ARHGEF7: variants seen among roughly 807,000 people sequenced by gnomAD.
ARHGEF7 encodes PAK-interacting exchange factor beta.
Under a neutral mutation model 109.8 loss-of-function variants are expected in ARHGEF7, and 33 were observed. The observed-to-expected ratio is 0.30, with a 90% CI of 0.23 to 0.40. The LOEUF is 0.40. Ranked by LOEUF, ARHGEF7 falls within the 10% of genes least tolerant of loss-of-function variation. The probability of loss-of-function intolerance (pLI) is 1.00; values close to 1 mark genes in which losing one functional copy is unlikely to be tolerated. For synonymous variants in ARHGEF7, 458 were observed against 424.6 expected, an observed-to-expected ratio of 1.08 and a Z score of -0.97; for missense variants, 938 against 1,098.5, an observed-to-expected ratio of 0.85 and a Z score of 2.07.
chr13:111,133,797 A>T (rs1413653270), intron 1 of ARHGEF7, among the ~76,000 whole-genome samples: 3 of 40,296 alleles, frequency 7.4e-5, no homozygotes, highest in Admixed American at 2.9e-4. Context: ...ATATATATAT[A>T]TATATATATA....
chr13:111,285,921 TAAAA>T (rs544234337), intron 16 of ARHGEF7, among the ~76,000 whole-genome samples: 1 of 145,534 alleles, frequency 6.9e-6, no homozygotes, highest in South Asian at 2.2e-4. Flanking sequence ...TTATTAGAAT[TAAAA>T]AAAAAAAATT....
intron 2 of ARHGEF7, among the ~76,000 whole-genome samples, chr13:111,195,553 A>G (rs956303558): frequency 1.1e-4 from 17 of 152,196 alleles, no homozygotes; most frequent in South Asian, 6.2e-4. Flanking sequence ...CTGGCCCTCA[A>G]TGGTTAAATG....
chr13:111,180,727 C>T (rs779252986), intron 2 of ARHGEF7, among the ~76,000 whole-genome samples: 1 of 152,224 alleles, frequency 6.6e-6, no homozygotes, highest in Non-Finnish European at 1.5e-5. Flanking sequence ...TAAAGATCAG[C>T]TCCAACAAGA....
intron 8 of ARHGEF7, among the ~76,000 whole-genome samples, chr13:111,246,057 C>G (rs141477722): frequency 6.6e-6 from 1 of 152,188 alleles, no homozygotes; most frequent in African/African-American, 2.4e-5. Flanking sequence ...GAGGCATGTT[C>G]TGAATAATCA....
At chr13:111,282,937 C>T (rs1249885607) in intron 15 of ARHGEF7, 8 of 757,044 alleles carry the variant, frequency 1.1e-5, no homozygotes, top group African/African-American at 3.5e-5. Flanking sequence ...AGGAGCCCCA[C>T]GCTCGGCCCA....
At chr13:111,262,972 G>A (rs1334198354) in intron 8 of ARHGEF7, among the ~76,000 whole-genome samples, 1 of 152,240 alleles carries the variant, frequency 6.6e-6, no homozygotes, top group Admixed American at 6.5e-5. Flanking sequence ...TGTAGCCCCT[G>A]TGGGGTGCCC....
intron 19 of ARHGEF7, among the ~76,000 whole-genome samples, chr13:111,298,557 G>A (rs777222419): frequency 1.3e-5 from 2 of 152,238 alleles, no homozygotes; most frequent in African/African-American, 2.4e-5. Context: ...GGCTGTCTCC[G>A]TCCTTGTCTC....
intron 1 of ARHGEF7, among the ~76,000 whole-genome samples, chr13:111,121,660 A>G (rs2067210077): frequency 6.6e-6 from 1 of 152,190 alleles, no homozygotes; most frequent in African/African-American, 2.4e-5. Flanking sequence ...CAACTCTACC[A>G]CGTGCATCGC....
At chr13:111,279,051 G>A (rs577298099) in intron 13 of ARHGEF7, among the ~76,000 whole-genome samples, 4 of 152,282 alleles carry the variant, frequency 2.6e-5, no homozygotes, top group South Asian at 2.1e-4. Flanking sequence ...AAAAGTGTTC[G>A]GTCCAGCCAC....
intron 1 of ARHGEF7, chr13:111,144,666 C>T (rs1394358096): frequency 6.6e-6 from 1 of 152,210 alleles, no homozygotes; most frequent in African/African-American, 2.4e-5. Flanking sequence ...AGAAGGTGAA[C>T]TTAGGATTTC....
At chr13:111,221,187 G>A (rs56157242) in intron 5 of ARHGEF7, among the ~76,000 whole-genome samples, 16,364 of 55,634 alleles carry the variant, frequency 0.29, 2,594 homozygotes, top group Middle Eastern at 0.38. Flanking sequence ...AGATATATAT[G>A]TCTATATATA....
At chr13:111,264,857 G>A (rs1256376360) in intron 8 of ARHGEF7, among the ~76,000 whole-genome samples, 3 of 152,110 alleles carry the variant, frequency 2.0e-5, no homozygotes, top group Admixed American at 1.3e-4. Context: ...ATTATTTACC[G>A]TAACTACATT....
intron 1 of ARHGEF7, among the ~76,000 whole-genome samples, chr13:111,143,032 T>G (rs831166): frequency 0.6 from 91,310 of 151,428 alleles, 27,895 homozygotes; most frequent in African/African-American, 0.67. Context: ...TGGGTGGCAG[T>G]AGGACACTTC....
chr13:111,250,189 T>C (rs2089554406), intron 8 of ARHGEF7, among the ~76,000 whole-genome samples: 1 of 152,236 alleles, frequency 6.6e-6, no homozygotes, highest in Non-Finnish European at 1.5e-5. Flanking sequence ...CAATAGAAAC[T>C]GCAATCTGCC....
chr13:111,262,245 T>C (rs1555753), intron 8 of ARHGEF7, among the ~76,000 whole-genome samples: 136,562 of 152,192 alleles, frequency 0.9, 61,318 homozygotes, highest in South Asian at 0.94. Flanking sequence ...TTTTCTTTTT[T>C]GTTTCTGATT....
chr13:111,217,825 C>T lies in ARHGEF7; in HGVS notation c.615C>T (p.Leu205=), dbSNP rs145220586. 9.9e-6 allele frequency: 16 copies of T among 1,614,028 alleles called. No homozygotes were observed. The highest frequency in any genetic ancestry group is 2.7e-5 in the African/African-American group (2 of 74,940). Residue 205 remains leucine, a synonymous_variant, in exon 5 of 22, where the codon CTC becomes CTT. Transcript: ENST00000646102. The stretch of plus-strand genomic sequence containing the variant: ...AGGGAGGCTGGTGGGAGGGCACACT[C>T]AACGGCCGGACCGGCTGGTTCCCCA... The part of the protein sequence containing the change: ...VEEGGWWEGT[L]NGRTGWFPSN...
chr13:111,130,389 A>G (rs183317120), intron 1 of ARHGEF7, among the ~76,000 whole-genome samples: 208 of 152,308 alleles, frequency 1.4e-3, no homozygotes, highest in African/African-American at 4.8e-3. Context: ...CCCTGAGCAT[A>G]ATTACGTTTT....
intron 12 of ARHGEF7, chr13:111,275,912 C>T (rs537091842): frequency 5.9e-6 from 3 of 507,886 alleles, no homozygotes; most frequent in South Asian, 2.0e-5. Flanking sequence ...CAGTGTGGCC[C>T]GAAGCCCACG....
At chr13:111,282,938 G>C in intron 15 of ARHGEF7, 2 of 761,772 alleles carry the variant, frequency 2.6e-6, no homozygotes, top group South Asian at 3.7e-5. Context: ...GGAGCCCCAC[G>C]CTCGGCCCAG....
Sources: allele counts gnomAD v4.1 joint callset (sites outside exome capture counted in the v4.1 genomes callset), GRCh38; gene constraint gnomAD v4.1.1; transcripts MANE v1.5; gene names NCBI Gene and HGNC (gene_info 2026-07-23, HGNC 2026-07-21).